The following GATD1 variants were observed in gnomAD, a reference collection of about 807,000 sequenced individuals.
GATD1 encodes glutamine amidotransferase-like class 1 domain-containing protein 1.
In GATD1, 23 loss-of-function variants were observed where a neutral mutation model predicts 25.9. That is an observed-to-expected ratio of 0.89 (90% CI 0.64 to 1.26). The LOEUF (loss-of-function observed/expected upper bound fraction) is 1.26, where lower values mean the gene tolerates loss of function less well. Ranked by LOEUF, GATD1 falls within the 50% of genes most tolerant of loss-of-function variation. GATD1 has a pLI of 0.00. For synonymous variants in GATD1, 177 were observed against 134.6 expected (o/e 1.31, Z -2.18); for missense variants, 347 against 312.5 (o/e 1.11, Z -0.83).
In GATD1 at chr11:772,485, A is replaced by T; in HGVS notation, c.392T>A (p.Leu131Gln). 1 of 1,613,092 alleles carries T rather than the reference A, an allele frequency of 6.2e-7. No homozygotes were observed. The highest frequency in any genetic ancestry group is 2.2e-5 in the East Asian group (1 of 44,866). The change falls in exon 5 of 8, where the codon CTG becomes CAG. Residue 131 changes from leucine (L) to glutamine (Q), a missense_variant. By Grantham distance (113) the Leu-to-Gln change is moderately radical. Transcript: ENST00000319863. ...ICAVGHGVAALCCATNEDRSW... is the reference protein window; with the variant it reads ...ICAVGHGVAAQCCATNEDRSW... ...TCTGTCCTCGTTGGTGGCACAGCAC[A>T]GGGCGGCGACACCGTGGCCGACGGC...
At chr11:771,302 T>C (rs947462800) in intron 6 of GATD1, 31 bp downstream of exon 6, 11 of 1,603,092 alleles carry the variant, frequency 6.9e-6, no homozygotes, top group Non-Finnish European at 1.7e-6. Context: ...CCCCATCTTC[T>C]GTAAGTGCAG....
At chr11:771,235 T>G (rs1446307229) in intron 6 of GATD1, 98 bp downstream of exon 6, 2 of 1,549,772 alleles carry the variant, frequency 1.3e-6, no homozygotes, top group Non-Finnish European at 8.7e-7. Context: ...CATGGGGGTC[T>G]ATAGAACCCA....
At position 770,513 on chromosome 11, in the gene GATD1, A is replaced by G; in HGVS notation, c.*384T>C. The stretch of plus-strand genomic sequence containing the variant: ...AGGTGGTGGGTGGCAGACAGGCCAC[A>G]GCAGGGCAAACCCACACAGAGGACC... On this transcript the variant is annotated 3_prime_UTR_variant, in exon 8 of 8. Coordinates refer to ENST00000319863, the MANE Select transcript of GATD1 (RefSeq NM_182612.4). 1 of 1,431,330 alleles carries G rather than the reference A, an allele frequency of 7.0e-7. No individual in the cohort carries two copies. Among genetic ancestry groups the G allele is most frequent in the Non-Finnish European group, 9.1e-7 (1 of 1,094,764 alleles). The allele number at this position is 1,431,330 out of a possible 1,614,324, so 88.7% of individuals were successfully genotyped here.
In GATD1 at chr11:767,580, G is replaced by A; in HGVS notation, c.*3317C>T. ...ATGTCAGATCTGGCTGACCAGAGGGGCTCAATGAGGCTCACTGGCTCTTCA... is the reference window on the plus strand; with the variant it reads ...ATGTCAGATCTGGCTGACCAGAGGGACTCAATGAGGCTCACTGGCTCTTCA... On this transcript the variant is annotated 3_prime_UTR_variant, in exon 8 of 8. Transcript: ENST00000319863. 1.4e-6 allele frequency: 2 copies of A among 1,404,814 alleles called. No homozygotes were observed. Among genetic ancestry groups the A allele is most frequent in the Non-Finnish European group, 1.8e-6 (2 of 1,083,706 alleles). The allele number at this position is 1,404,814 out of a possible 1,614,324, so 87.0% of individuals were successfully genotyped here.
At chr11:775,976 C>CTTTTTTT (rs71022972) in intron 1 of GATD1, among the ~76,000 whole-genome samples, 831 of 72,306 alleles carry the variant, frequency 0.011, 73 homozygotes, top group Admixed American at 0.013. Context: ...TATCTTCATT[C>CTTTTTTT]TTTTTTTTTT....
chr11:772,570 C>G, intron 4 of GATD1, 49 bp from the exon 5 acceptor site: 1 of 1,542,110 alleles, frequency 6.5e-7, no homozygotes, highest in Non-Finnish European at 8.9e-7. Flanking sequence ...CACCCGCACC[C>G]TGAAGCCCCT....
In GATD1 at chr11:769,432, C is replaced by T. The variant is rs747668914; in HGVS notation, c.*1465G>A. ...GCCTCCCAGGTTCAAGCAATTCTCA[C>T]GTCTCAGCCTCCCAAGTAGCTGGGA... is the stretch of plus-strand genomic sequence containing the variant. On this transcript the variant is annotated 3_prime_UTR_variant, in exon 8 of 8. Transcript: ENST00000319863. The T allele has an allele frequency of 4.2e-5, 13 of 310,928 alleles. No individual in the cohort carries two copies. Among genetic ancestry groups the T allele is most frequent in the Admixed American group, 1.9e-4 (3 of 15,408 alleles). 19.3% of individuals were successfully genotyped at this position (310,928 alleles called of 1,614,324 possible).
At position 769,166 on chromosome 11, in the gene GATD1, G is replaced by A; in HGVS notation, c.*1731C>T. The A allele has an allele frequency of 1.0e-6, 1 of 985,376 alleles. No individual in the cohort carries two copies. Among genetic ancestry groups the A allele is most frequent in the Non-Finnish European group, 1.2e-6 (1 of 829,944 alleles). 61.0% of individuals were successfully genotyped at this position (985,376 alleles called of 1,614,324 possible). On this transcript the variant is annotated 3_prime_UTR_variant, in exon 8 of 8. Coordinates refer to ENST00000319863, the MANE Select transcript of GATD1 (RefSeq NM_182612.4). ...CCATCACCACACGGGGATGAGAGTG[G>A]ACCCGGGACAGAGCAAGGCCCCGTG...
In GATD1 at chr11:769,010, A is replaced by G; in HGVS notation, c.*1887T>C. ...CAGCTACTCCGGAGGCTGAGGCAGG[A>G]GAATCGCTTGAACCCGGGAGACAGA... On this transcript the variant is annotated 3_prime_UTR_variant, in exon 8 of 8. Transcript: ENST00000319863. 2.4e-6 allele frequency: 1 copy of G among 417,772 alleles called. No homozygotes were observed. The highest frequency in any genetic ancestry group is 3.2e-6 in the Non-Finnish European group (1 of 311,194). The allele number at this position is 417,772 out of a possible 1,614,324, so 25.9% of individuals were successfully genotyped here.
At chr11:774,177 A>G in intron 2 of GATD1, 64 bp from the exon 3 acceptor site, 2 of 1,419,850 alleles carry the variant, frequency 1.4e-6, no homozygotes, top group Non-Finnish European at 9.8e-7. Flanking sequence ...GCTCAGAGGG[A>G]GCCTGAAAAA....
rs1181286985 is a variant in GATD1, at chr11:771,115, C to T, written c.545-11G>A. On this transcript the variant is annotated splice_polypyrimidine_tract_variant and intron_variant, in intron 6 of 7. Coordinates refer to ENST00000319863, the MANE Select transcript of GATD1 (RefSeq NM_182612.4). ...CGTCAGGCTCGCTTGCTGGGGAGGA[C>T]CGAGGGCACCAACCTCAGGCAATGT... 6.3e-7 allele frequency: 1 copy of T among 1,578,878 alleles called. No individual in the cohort carries two copies. The highest frequency in any genetic ancestry group is 8.6e-7 in the Non-Finnish European group (1 of 1,165,496).
chr11:769,240 C>T lies in GATD1; in HGVS notation c.*1657G>A, dbSNP rs559840441. The T allele has an allele frequency of 5.5e-5, 54 of 985,478 alleles. No individual in the cohort carries two copies. In the East Asian group the frequency reaches 1.0e-3, roughly 19 times the overall value. The allele number at this position is 985,478 out of a possible 1,614,324, so 61.0% of individuals were successfully genotyped here. Reference sequence around the variant, plus strand: ...ACTAATCTGCGAGGCACTGGAGGGACGCAGCCTTCAGGGCGGGGATGTGGC... The same window carrying T: ...ACTAATCTGCGAGGCACTGGAGGGATGCAGCCTTCAGGGCGGGGATGTGGC... On this transcript the variant is annotated 3_prime_UTR_variant, in exon 8 of 8. Coordinates refer to ENST00000319863, the MANE Select transcript of GATD1 (RefSeq NM_182612.4).
At position 770,884 on chromosome 11, in the gene GATD1, C is replaced by A. The variant is rs377201481; in HGVS notation, c.*13G>T. 1,040 of 1,602,078 alleles carry A rather than the reference C, an allele frequency of 6.5e-4. No homozygotes were observed. Among genetic ancestry groups the A allele is most frequent in the Non-Finnish European group, 8.4e-4 (983 of 1,172,874 alleles). On this transcript the variant is annotated 3_prime_UTR_variant, in exon 8 of 8. Coordinates refer to ENST00000319863, the MANE Select transcript of GATD1 (RefSeq NM_182612.4). The stretch of plus-strand genomic sequence containing the variant: ...ACCTGGGCTGTCTCAGGGGGTGCAT[C>A]TACCCAGCAGGTTCATTTCCTGCAG...
Position 770,945 on chromosome 11 carries a change from G to C in GATD1, c.657-42C>G, listed in dbSNP as rs369209383. ...TGGTCAAAGCTTGGGCAAAAGCACCGGGTGCAGCTCTGATGTGGCAGGAAT... is the reference window on the plus strand; with the variant it reads ...TGGTCAAAGCTTGGGCAAAAGCACCCGGTGCAGCTCTGATGTGGCAGGAAT... On this transcript the variant is annotated intron_variant, in intron 7 of 7. Transcript: ENST00000319863. The C allele has an allele frequency of 2.5e-6, 4 of 1,613,054 alleles. No individual in the cohort carries two copies. The East Asian group carries it at 6.7e-5, about 27-fold the overall frequency.
chr11:773,693 GCCCGAGTGCGTGGC>G, intron 3 of GATD1, 64 bp from the exon 4 acceptor site: 2 of 1,262,718 alleles, frequency 1.6e-6, no homozygotes, highest in East Asian at 4.9e-5. Context: ...GCAGGACCAG[GCCCGAGTGCGTGGC>G]CAGGACAGAC....
rs749947862 is a variant in GATD1 at position 773,579 on chromosome 11, C to T, written c.298G>A (p.Asp100Asn). The T allele has an allele frequency of 8.1e-6, 13 of 1,609,484 alleles. No individual in the cohort carries two copies. The highest frequency in any genetic ancestry group is 6.7e-5 in the African/African-American group (5 of 74,572). ...GCCAGGGAGCCACTGCTGGCCAGGT[C>T]GGTCAGGGCCCCAGGACAGCTGGGG... is the stretch of plus-strand genomic sequence containing the variant. Reference protein sequence around the residue: ...LIPSCPGALTDLASSGSLARI... With the variant: ...LIPSCPGALTNLASSGSLARI... Residue 100 changes from aspartate to asparagine, a missense_variant, in exon 4 of 8, where the codon GAC (aspartate) becomes AAC (asparagine). Physicochemically the swap from Asp to Asn is conservative, Grantham distance 23 (BLOSUM62 1). Coordinates refer to ENST00000319863, the MANE Select transcript of GATD1 (RefSeq NM_182612.4).
At position 775,665 on chromosome 11, in the gene GATD1, CT is replaced by C; in HGVS notation, c.65-524del. On this transcript the variant is annotated intron_variant, in intron 1 of 7. Coordinates refer to ENST00000319863, the MANE Select transcript of GATD1 (RefSeq NM_182612.4). ...GAACGCAGAAGTGTCCTGGCCCCCC[CT>C]CACCCCTTCCAGGGAAGCCGCTCAG... 1.3e-5 allele frequency among the ~76,000 whole-genome samples: 2 copies of C among 152,216 alleles called. 1 individual carries two copies. Among genetic ancestry groups the C allele is most frequent in the East Asian group, 3.9e-4 (2 of 5,192 alleles).
intron 3 of GATD1, 72 bp from the exon 4 acceptor site, chr11:773,701 G>A (rs887014639): frequency 5.1e-6 from 6 of 1,175,636 alleles, no homozygotes; most frequent in Non-Finnish European, 4.9e-6. Flanking sequence ...AGGCCCGAGT[G>A]CGTGGCCAGG....
At chr11:775,222 C>G (rs1863845170) in intron 1 of GATD1, 80 bp from the exon 2 acceptor site, 1 of 1,158,632 alleles carries the variant, frequency 8.6e-7, no homozygotes, top group Non-Finnish European at 1.2e-6. Context: ...ACCCCCATGG[C>G]CTCGACTGAC....
Sources: gnomAD v4.1 joint callset for allele counts (sites outside exome capture counted in the v4.1 genomes callset) on GRCh38, gnomAD v4.1.1 for gene constraint, MANE v1.5 for transcripts, NCBI Gene and HGNC (gene_info 2026-07-23, HGNC 2026-07-21) for gene names.